NOTCH3: variants seen among roughly 807,000 people sequenced by gnomAD.
NOTCH3 encodes notch receptor 3.
In NOTCH3, 86 loss-of-function variants were observed where a neutral mutation model predicts 213.3. The observed-to-expected ratio is 0.40, with a 90% CI of 0.34 to 0.48. The LOEUF is 0.48. NOTCH3 is among the 20% of genes least tolerant of loss of function. NOTCH3 has a pLI of 0.57. For synonymous variants in NOTCH3, 1,354 were observed against 1,355.9 expected (o/e 1.00, Z 0.03); for missense variants, 2,783 against 3,272.6 (o/e 0.85, Z 3.65).
At chr19:15,186,566 G>A (rs1027671090) in intron 12 of NOTCH3, among the ~76,000 whole-genome samples, 3 of 151,904 alleles carry the variant, frequency 2.0e-5, no homozygotes, top group South Asian at 2.1e-4. Context: ...CACCACACCC[G>A]ACTAATTTTT....
intron 2 of NOTCH3, among the ~76,000 whole-genome samples, chr19:15,194,527 C>T (rs1422765764): frequency 6.6e-6 from 1 of 152,082 alleles, no homozygotes; most frequent in African/African-American, 2.4e-5. Context: ...GAAGCTAAAC[C>T]ACAGGGTTAA....
At chr19:15,198,426 T>A (rs928739244) in intron 1 of NOTCH3, among the ~76,000 whole-genome samples, 3 of 151,942 alleles carry the variant, frequency 2.0e-5, no homozygotes, top group African/African-American at 4.8e-5. Context: ...TAGAAGCAGA[T>A]AGACCAGGAG....
At chr19:15,180,873 G>A in intron 18 of NOTCH3, 45 bp from the exon 19 acceptor site, 1 of 1,607,964 alleles carries the variant, frequency 6.2e-7, no homozygotes, top group South Asian at 1.1e-5. Flanking sequence ...GTGGGGGGTA[G>A]TCTGGGAGAA....
chr19:15,188,561 G>A (rs1420222985), intron 8 of NOTCH3, among the ~76,000 whole-genome samples: 2 of 152,084 alleles, frequency 1.3e-5, no homozygotes, highest in East Asian at 3.9e-4. Context: ...GGTGTCCGCA[G>A]AGGCCTTGCC....
chr19:15,161,490 T>C lies in NOTCH3; in HGVS notation c.6138A>G (p.Pro2046=), dbSNP rs779120349. The change falls in exon 33 of 33, where the codon CCA becomes CCG. Residue 2046 remains proline (P), a synonymous_variant. Coordinates refer to ENST00000263388, the MANE Select transcript of NOTCH3 (RefSeq NM_000435.3). ...CTTTGAGGCCAGGGAGGAAGGCCCC[T>C]GGAGGACAGAGCAGAGGCCCCAGGC... The part of the protein sequence containing the change: ...PHGLGPLLCP[P]GAFLPGLKAA... 12 of 1,584,878 alleles carry C rather than the reference T, an allele frequency of 7.6e-6. No individual in the cohort carries two copies. The South Asian group carries it at 1.4e-4, about 18-fold the overall frequency.
At chr19:15,178,134 G>A in intron 23 of NOTCH3, 44 bp from the exon 24 acceptor site, 1 of 1,237,452 alleles carries the variant, frequency 8.1e-7, no homozygotes, top group Non-Finnish European at 1.1e-6. Context: ...ATGAGGGTGG[G>A]GAGTGGAGGG....
chr19:15,197,441 G>GGGGGGGGCCCCCC, intron 2 of NOTCH3, 59 bp downstream of exon 2: 1 of 768,362 alleles, frequency 1.3e-6, no homozygotes, highest in Non-Finnish European at 2.3e-6. Context: ...AAGACAAATC[G>GGGGGGGGCCCCCC]CCCCTCCCCC....
intron 29 of NOTCH3, 21 bp downstream of exon 29, chr19:15,167,228 G>C: frequency 6.2e-7 from 1 of 1,606,416 alleles, no homozygotes; most frequent in Non-Finnish European, 8.5e-7. Flanking sequence ...GCATCCCTTT[G>C]GGAGGGGCAC....
chr19:15,190,412 C>A (rs894944777), intron 6 of NOTCH3, among the ~76,000 whole-genome samples: 2 of 152,184 alleles, frequency 1.3e-5, no homozygotes, highest in Non-Finnish European at 2.9e-5. Flanking sequence ...TCTATATCCA[C>A]GTTCCCCTCC....
At position 15,160,734 on chromosome 19, in the gene NOTCH3, G is replaced by A. The variant is rs758304248; in HGVS notation, c.6894C>T (p.Ser2298=). ...GCTGGGTCTGGGCCTGAGCAAGGGA[G>A]CTGGGAACAGACAAGGGAAGTGGCT... ...PAQPLPLSVP[S]SLAQAQTQLG... is the part of the protein sequence containing the mutation. Residue 2298 remains serine (S), a synonymous_variant, in exon 33 of 33, where the codon AGC becomes AGT. Coordinates refer to ENST00000263388, the MANE Select transcript of NOTCH3 (RefSeq NM_000435.3). 2.5e-6 allele frequency: 4 copies of A among 1,614,218 alleles called. No homozygotes were observed. Among genetic ancestry groups the A allele is most frequent in the Non-Finnish European group, 3.4e-6 (4 of 1,180,028 alleles).
Position 15,178,333 on chromosome 19 carries a change from CA to C in NOTCH3, c.3838-244del, listed in dbSNP as rs1467660113. 10 of 513,486 alleles carry C rather than the reference CA, an allele frequency of 1.9e-5. No homozygotes were observed. In the East Asian group the frequency reaches 3.3e-4, roughly 17 times the overall value. 31.8% of individuals were successfully genotyped at this position (513,486 alleles called of 1,614,324 possible). The stretch of plus-strand genomic sequence containing the variant: ...TGCCATCCCAGGAGGCCACGCCCCC[CA>C]ATCACCATCCTCACCCTTTTCCCTT... On this transcript the variant is annotated intron_variant, in intron 23 of 32. Coordinates refer to ENST00000263388, the MANE Select transcript of NOTCH3 (RefSeq NM_000435.3).
chr19:15,189,643 G>A (rs1006924183), intron 6 of NOTCH3, among the ~76,000 whole-genome samples: 32 of 151,826 alleles, frequency 2.1e-4, no homozygotes, highest in African/African-American at 7.3e-4. Flanking sequence ...TCAGCCTCCC[G>A]AGTAGCTGGG....
chr19:15,175,605 ACACACACACG>A (rs2046783477), intron 24 of NOTCH3, among the ~76,000 whole-genome samples: 1 of 146,238 alleles, frequency 6.8e-6, no homozygotes, highest in Non-Finnish European at 1.5e-5. Flanking sequence ...ACACACACAC[ACACACACACG>A]CACGCACACA....
At chr19:15,182,608 CATTTATTT>C (rs537564207) in intron 16 of NOTCH3, among the ~76,000 whole-genome samples, 49 of 151,228 alleles carry the variant, frequency 3.2e-4, no homozygotes, top group African/African-American at 7.8e-4. Flanking sequence ...AGATTATATA[CATTTATTT>C]ATTTATTTAT....
chr19:15,166,182 A>G, intron 29 of NOTCH3, 91 bp from the exon 30 acceptor site: 3 of 1,124,540 alleles, frequency 2.7e-6, no homozygotes, highest in Non-Finnish European at 4.0e-6. Flanking sequence ...AGCTAATGGG[A>G]CACATGGAAA....
Position 15,160,580 on chromosome 19 carries a change from AAAGG to A in NOTCH3, c.*78_*81del. ...AAAGAGAAGAGGATGAAAAAGACTA[AAAGG>A]AAGGAAGAGACAGAGAAAGAAAGGA... is the stretch of plus-strand genomic sequence containing the variant. On this transcript the variant is annotated 3_prime_UTR_variant, in exon 33 of 33. Transcript: ENST00000263388. 1 of 1,129,566 alleles carries A rather than the reference AAAGG, an allele frequency of 8.9e-7. No individual in the cohort carries two copies. Among genetic ancestry groups the A allele is most frequent in the Non-Finnish European group, 1.4e-6 (1 of 738,380 alleles). 70.0% of individuals were successfully genotyped at this position (1,129,566 alleles called of 1,614,324 possible).
intron 32 of NOTCH3, 136 bp downstream of exon 32, chr19:15,162,324 CAAAGT>C (rs2046651427): frequency 2.7e-6 from 2 of 752,418 alleles, no homozygotes; most frequent in Non-Finnish European, 4.4e-6. Flanking sequence ...CTTTAGTCAC[CAAAGT>C]AAATTATATT....
chr19:15,178,642 C>T, intron 23 of NOTCH3, 181 bp downstream of exon 23: 1 of 646,754 alleles, frequency 1.5e-6, no homozygotes, highest in Non-Finnish European at 2.8e-6. Flanking sequence ...GCCTCGGCCT[C>T]CCAATGTGCT....
intron 15 of NOTCH3, 35 bp downstream of exon 15, chr19:15,184,871 T>C (rs1296351806): frequency 2.6e-6 from 3 of 1,167,168 alleles, no homozygotes; most frequent in Non-Finnish European, 3.8e-6. Flanking sequence ...GCAGAGGAGA[T>C]GGAGAGGAGG....
Sources: allele counts gnomAD v4.1 joint callset (sites outside exome capture counted in the v4.1 genomes callset), GRCh38; gene constraint gnomAD v4.1.1; transcripts MANE v1.5; gene names NCBI Gene and HGNC (gene_info 2026-07-23, HGNC 2026-07-21).